The following DOCK2 variants were observed in gnomAD, a reference collection of about 807,000 sequenced individuals.
DOCK2 encodes the protein dedicator of cytokinesis protein 2.
In DOCK2, 87 loss-of-function variants were observed where a neutral mutation model predicts 248.9. The ratio of observed to expected loss-of-function variants is 0.35; its 90% confidence interval spans 0.29 to 0.42. The LOEUF (loss-of-function observed/expected upper bound fraction) is 0.42. Ranked by LOEUF, DOCK2 falls within the 10% of genes least tolerant of loss-of-function variation. DOCK2 has a pLI of 1.00. For synonymous variants in DOCK2, 805 were observed against 821.6 expected (o/e 0.98, Z 0.35); for missense variants, 1,747 against 2,300.2 (o/e 0.76, Z 4.92).
intron 29 of DOCK2, 45 bp downstream of exon 29, chr5:169,985,967 A>G (rs534358649): frequency 6.6e-7 from 1 of 1,523,662 alleles, no homozygotes; most frequent in Admixed American, 1.8e-5. Flanking sequence ...CCCAGCCCTC[A>G]CTTCAAAGAT....
intron 27 of DOCK2, among the ~76,000 whole-genome samples, chr5:169,926,854 C>T (rs533384725): frequency 6.6e-6 from 1 of 152,276 alleles, no homozygotes; most frequent in Admixed American, 6.5e-5. Context: ...ATGTCCCTCC[C>T]TCTAGGTCTT....
At position 170,057,663 on chromosome 5, in the gene DOCK2, G is replaced by A. The variant is rs752065132; in HGVS notation, c.4464G>A (p.Ser1488=). Residue 1488 remains serine, a synonymous_variant, in exon 44 of 52, where the codon TCG becomes TCA. Transcript: ENST00000520908. Reference sequence around the variant, plus strand: ...GCTGGTTTGAGGTGGTGCACATGTCGCAGGTGAGTCTGGGACATTCGTGGC... The same window carrying A: ...GCTGGTTTGAGGTGGTGCACATGTCACAGGTGAGTCTGGGACATTCGTGGC... ...ILRWFEVVHM[S]QTTISPLENA... The A allele has an allele frequency of 1.4e-5, 22 of 1,609,180 alleles. No individual in the cohort carries two copies. The highest frequency in any genetic ancestry group is 5.5e-5 in the South Asian group (5 of 90,522).
chr5:170,073,813 G>A (rs139539916), intron 46 of DOCK2, among the ~76,000 whole-genome samples: 32 of 152,026 alleles, frequency 2.1e-4, no homozygotes, highest in African/African-American at 7.7e-4. Flanking sequence ...CCTAATATTG[G>A]TTATTAGTAC....
At position 169,863,628 on chromosome 5, in the gene DOCK2, G is replaced by A. The variant is rs529148911; in HGVS notation, c.2799+22776G>A. The stretch of plus-strand genomic sequence containing the variant: ...ACAAGTTTATACCCTGGGGTGGCCT[G>A]ACTCTGCCACAGGCAGAAAGGTGCA... On this transcript the variant is annotated intron_variant, in intron 27 of 51. Coordinates refer to ENST00000520908, the MANE Select transcript of DOCK2 (RefSeq NM_004946.3). Among the ~76,000 whole-genome samples the A allele has an allele frequency of 2.0e-5, 3 of 152,328 alleles. No individual in the cohort carries two copies. The South Asian group carries it at 6.2e-4, about 32-fold the overall frequency.
At chr5:170,044,728 C>G (rs1164698251) in intron 38 of DOCK2, among the ~76,000 whole-genome samples, 1 of 152,146 alleles carries the variant, frequency 6.6e-6, no homozygotes, top group Non-Finnish European at 1.5e-5. Context: ...CCACTCGGCA[C>G]TTGGTTTTAT....
chr5:170,028,761 A>G (rs1368309758), intron 34 of DOCK2, among the ~76,000 whole-genome samples: 2 of 138,572 alleles, frequency 1.4e-5, no homozygotes, highest in African/African-American at 6.2e-5. Flanking sequence ...ACACACACAC[A>G]CACACACGCG....
At chr5:169,968,770 A>G (rs1777391963) in intron 27 of DOCK2, among the ~76,000 whole-genome samples, 1 of 152,230 alleles carries the variant, frequency 6.6e-6, no homozygotes, top group Non-Finnish European at 1.5e-5. Context: ...TGAGCAAAAT[A>G]AAAGGAGGAA....
At chr5:169,650,053 C>T (rs1757713115) in intron 1 of DOCK2, among the ~76,000 whole-genome samples, 1 of 152,200 alleles carries the variant, frequency 6.6e-6, no homozygotes, top group Non-Finnish European at 1.5e-5. Context: ...ATCCACCTGC[C>T]TCCCCTAGTG....
intron 27 of DOCK2, among the ~76,000 whole-genome samples, chr5:169,979,968 A>G (rs763871349): frequency 6.6e-6 from 1 of 152,216 alleles, no homozygotes; most frequent in African/African-American, 2.4e-5. Context: ...AAGACAATTC[A>G]TCCTTTTCAA....
At chr5:169,678,687 G>C (rs1759480286) in intron 6 of DOCK2, among the ~76,000 whole-genome samples, 1 of 152,198 alleles carries the variant, frequency 6.6e-6, no homozygotes. Flanking sequence ...AATTTGAACT[G>C]ATAATGTGGC....
At chr5:169,820,909 C>G (rs1040438704) in intron 26 of DOCK2, among the ~76,000 whole-genome samples, 3 of 152,132 alleles carry the variant, frequency 2.0e-5, no homozygotes, top group Non-Finnish European at 2.9e-5. Flanking sequence ...ATAACCAATG[C>G]AGAGAAGTCC....
Position 169,847,593 on chromosome 5 carries a change from A to G in DOCK2, c.2799+6741A>G, listed in dbSNP as rs528154878. 1.1e-4 allele frequency among the ~76,000 whole-genome samples: 16 copies of G among 152,260 alleles called. No individual in the cohort carries two copies. The East Asian group carries it at 2.7e-3, about 26-fold the overall frequency. On this transcript the variant is annotated intron_variant, in intron 27 of 51. Coordinates refer to ENST00000520908, the MANE Select transcript of DOCK2 (RefSeq NM_004946.3). ...TTTTTTTAATGCAATAAACTATACC[A>G]TATTTGAAATCTTCTTCTTATATCT...
intron 27 of DOCK2, among the ~76,000 whole-genome samples, chr5:169,896,610 A>G (rs1241692205): frequency 3.3e-5 from 5 of 152,224 alleles, no homozygotes; most frequent in Non-Finnish European, 7.3e-5. Context: ...ACCACTTAAT[A>G]AACTTTGGCT....
chr5:170,010,887 TC>T (rs1755261737), intron 32 of DOCK2, among the ~76,000 whole-genome samples: 1 of 152,240 alleles, frequency 6.6e-6, no homozygotes, highest in South Asian at 2.1e-4. Context: ...TTTCTGAATG[TC>T]CTTCATTGCC....
At chr5:169,958,082 G>A (rs989371433) in intron 27 of DOCK2, among the ~76,000 whole-genome samples, 2 of 152,128 alleles carry the variant, frequency 1.3e-5, no homozygotes, top group African/African-American at 4.8e-5. Context: ...GTGGAACCAA[G>A]CAAACATGAG....
At chr5:170,057,502 C>A in intron 43 of DOCK2, 78 bp from the exon 44 acceptor site, 1 of 1,379,944 alleles carries the variant, frequency 7.2e-7, no homozygotes, top group Non-Finnish European at 1.0e-6. Context: ...TGGGTTTCTG[C>A]CAAGCTTCTC....
intron 27 of DOCK2, chr5:169,884,898 C>G (rs1230332968): frequency 6.6e-6 from 1 of 152,166 alleles, no homozygotes; most frequent in South Asian, 2.1e-4. Flanking sequence ...AACTTCCTAG[C>G]TGAGTATTTT....
At chr5:169,918,379 T>A (rs996282516) in intron 27 of DOCK2, among the ~76,000 whole-genome samples, 1 of 152,158 alleles carries the variant, frequency 6.6e-6, no homozygotes, top group Admixed American at 6.5e-5. Context: ...CTCACACACA[T>A]GTACAAGGAG....
chr5:169,776,379 G>T (rs541035891), intron 25 of DOCK2, among the ~76,000 whole-genome samples: 2 of 151,972 alleles, frequency 1.3e-5, no homozygotes, highest in South Asian at 4.2e-4. Context: ...TGCCCAGGCT[G>T]GTCTTGAATT....
Sources: allele counts gnomAD v4.1 joint callset (sites outside exome capture counted in the v4.1 genomes callset), GRCh38; gene constraint gnomAD v4.1.1; transcripts MANE v1.5; gene names NCBI Gene and HGNC (gene_info 2026-07-23, HGNC 2026-07-21).